AK7: variants seen among roughly 807,000 people sequenced by gnomAD.
The protein encoded by AK7 is ATP-AMP transphosphorylase 7.
A neutral mutation model predicts 96.6 loss-of-function variants in AK7; 78 were observed. The observed-to-expected ratio is 0.81, with a 90% CI of 0.67 to 0.97. AK7 has a LOEUF of 0.97. AK7 is among the 50% of genes least tolerant of loss of function. AK7 has a pLI of 0.00. For synonymous variants in AK7, 302 were observed against 317.2 expected (o/e 0.95, Z 0.51); for missense variants, 855 against 887.9 (o/e 0.96, Z 0.47).
intron 6 of AK7, 56 bp downstream of exon 6, chr14:96,437,971 G>C: frequency 6.6e-7 from 1 of 1,509,482 alleles, no homozygotes; most frequent in South Asian, 1.2e-5. Flanking sequence ...ATACAGATAC[G>C]CAATTTGAAG....
Position 96,478,573 on chromosome 14 carries a change from G to T in AK7, c.1664G>T (p.Arg555Leu). Residue 555 changes from arginine to leucine, a missense_variant, in exon 15 of 18, where the codon CGG becomes CTG. By Grantham distance (102) the Arg-to-Leu change is moderately radical. Coordinates refer to ENST00000267584, the MANE Select transcript of AK7 (RefSeq NM_152327.5). The stretch of plus-strand genomic sequence containing the variant: ...CACTACAGCCAAGACCGATTCCTCC[G>T]GGCTCTGAGCAACTACCGGGACATC... ...GTHYSQDRFL[R>L]ALSNYRDINI... 1 of 1,614,136 alleles carries T rather than the reference G, an allele frequency of 6.2e-7. No individual in the cohort carries two copies. The highest frequency in any genetic ancestry group is 1.3e-5 in the African/African-American group (1 of 75,030).
intron 1 of AK7, among the ~76,000 whole-genome samples, chr14:96,392,570 G>A (rs1407390017): frequency 6.6e-6 from 1 of 152,260 alleles, no homozygotes; most frequent in Non-Finnish European, 1.5e-5. Flanking sequence ...GTTGAGGCCA[G>A]AACCTGGACA....
At chr14:96,412,519 C>T (rs760231705) in intron 4 of AK7, among the ~76,000 whole-genome samples, 1 of 150,724 alleles carries the variant, frequency 6.6e-6, no homozygotes, top group African/African-American at 2.4e-5. Context: ...CGAGCCACTG[C>T]GCCCGGCCGT....
chr14:96,485,818 C>T (rs1301623886), intron 16 of AK7, among the ~76,000 whole-genome samples: 9 of 136,398 alleles, frequency 6.6e-5, no homozygotes, highest in Non-Finnish European at 1.2e-4. Flanking sequence ...TTTTTTGAGA[C>T]GGAGTCTTGC....
intron 5 of AK7, among the ~76,000 whole-genome samples, chr14:96,431,686 C>T (rs1489674160): frequency 1.3e-5 from 2 of 152,068 alleles, no homozygotes; most frequent in African/African-American, 4.8e-5. Context: ...ACTATGTGGT[C>T]AATTTTGGAA....
chr14:96,454,936 G>A lies in AK7; in HGVS notation c.1099-1411G>A, dbSNP rs375408509. The stretch of plus-strand genomic sequence containing the variant: ...TCCTACCACTTTGGGAGGTCGAGGC[G>A]GGTGGATCACCTGAGGTCAGGAGTT... On this transcript the variant is annotated intron_variant, in intron 10 of 17. Transcript: ENST00000267584. 3.4e-4 allele frequency among the ~76,000 whole-genome samples: 52 copies of A among 152,156 alleles called. 1 individual carries two copies. The East Asian group carries it at 5.8e-3, about 17-fold the overall frequency.
At position 96,483,189 on chromosome 14, in the gene AK7, G is replaced by A; in HGVS notation, c.1944G>A (p.Met648Ile). Residue 648 changes from methionine (M) to isoleucine (I), a missense_variant, in exon 16 of 18, where the codon ATG (methionine) becomes ATA (isoleucine). By Grantham distance (10) the Met-to-Ile change is conservative. Transcript: ENST00000267584. The part of the protein sequence containing the change: ...AEREHQEAVE[M>I]AEKIARWEEW... ...GCGAGCACCAGGAGGCCGTGGAGAT[G>A]GCAGAGAAGATAGCTCGCTGGGAGG... The A allele has an allele frequency of 6.2e-7, 1 of 1,610,700 alleles. No individual in the cohort carries two copies. Among genetic ancestry groups the A allele is most frequent in the African/African-American group, 1.3e-5 (1 of 74,998 alleles).
intron 4 of AK7, among the ~76,000 whole-genome samples, chr14:96,411,053 G>A (rs527699519): frequency 5.6e-4 from 85 of 152,208 alleles, no homozygotes; most frequent in South Asian, 4.3e-3. Context: ...ACCTTTTATA[G>A]TCCTGAGTTT....
intron 4 of AK7, among the ~76,000 whole-genome samples, chr14:96,420,400 C>A (rs1399081323): frequency 2.0e-5 from 3 of 151,838 alleles, no homozygotes; most frequent in African/African-American, 4.8e-5. Flanking sequence ...GAGGCTGAGG[C>A]AGGAGAATCA....
chr14:96,473,826 C>T (rs779781969), intron 14 of AK7, among the ~76,000 whole-genome samples: 1 of 152,192 alleles, frequency 6.6e-6, no homozygotes, highest in Non-Finnish European at 1.5e-5. Flanking sequence ...ACCGTGCCCT[C>T]ATCTCTTCCA....
chr14:96,407,638 G>C (rs1335096800), intron 3 of AK7, among the ~76,000 whole-genome samples: 2 of 142,448 alleles, frequency 1.4e-5, no homozygotes, highest in Non-Finnish European at 3.0e-5. Flanking sequence ...CTGGAGTGCA[G>C]TGGCGCAATC....
chr14:96,462,827 AG>A (rs1222011856), intron 12 of AK7, among the ~76,000 whole-genome samples: 5 of 152,150 alleles, frequency 3.3e-5, no homozygotes, highest in Non-Finnish European at 5.9e-5. Flanking sequence ...ACTGTAATCA[AG>A]GCAAAATTTC....
chr14:96,468,405 C>T (rs926024116), intron 12 of AK7, among the ~76,000 whole-genome samples: 5 of 150,402 alleles, frequency 3.3e-5, no homozygotes, highest in Non-Finnish European at 7.4e-5. Flanking sequence ...ATGCCATTCT[C>T]CTACCTCAGC....
intron 10 of AK7, 56 bp downstream of exon 10, chr14:96,451,626 T>G: frequency 7.3e-7 from 1 of 1,361,508 alleles, no homozygotes; most frequent in Admixed American, 2.8e-5. Flanking sequence ...GAATCAAACT[T>G]CTAGTGTGAT....
At chr14:96,422,422 G>GAAT (rs1464096832) in intron 5 of AK7, among the ~76,000 whole-genome samples, 8 of 152,176 alleles carry the variant, frequency 5.3e-5, no homozygotes, top group Non-Finnish European at 7.3e-5. Context: ...TCAGAAGGGA[G>GAAT]TATGCCTTAA....
chr14:96,486,916 G>T lies in AK7; in HGVS notation c.1993G>T (p.Val665Leu), dbSNP rs1354389363. 6.2e-7 allele frequency: 1 copy of T among 1,613,926 alleles called. No homozygotes were observed. The highest frequency in any genetic ancestry group is 1.1e-5 in the South Asian group (1 of 91,078). Residue 665 changes from valine to leucine, a missense_variant, in exon 17 of 18, where the codon GTG (valine) becomes TTG (leucine). Coordinates refer to ENST00000267584, the MANE Select transcript of AK7 (RefSeq NM_152327.5). ...WEEWNKRLEE[V>L]KREERELLEA... Reference sequence around the variant, plus strand: ...ATTTTAGAATAAACGACTGGAGGAAGTGAAAAGAGAAGAAAGAGAATTACT... The same window carrying T: ...ATTTTAGAATAAACGACTGGAGGAATTGAAAAGAGAAGAAAGAGAATTACT...
chr14:96,416,618 G>A (rs1036495870), intron 4 of AK7, among the ~76,000 whole-genome samples: 17 of 152,052 alleles, frequency 1.1e-4, no homozygotes, highest in Non-Finnish European at 2.1e-4. Context: ...AAAGGATCAC[G>A]GCTGTAACCC....
intron 12 of AK7, among the ~76,000 whole-genome samples, chr14:96,469,158 T>C (rs1894745109): frequency 6.6e-6 from 1 of 152,190 alleles, no homozygotes; most frequent in Non-Finnish European, 1.5e-5. Flanking sequence ...GAGGGAGGCA[T>C]TGAAGGGAAT....
intron 5 of AK7, among the ~76,000 whole-genome samples, chr14:96,432,215 T>C (rs1892391252): frequency 6.7e-6 from 1 of 149,490 alleles, no homozygotes; most frequent in South Asian, 2.1e-4. Context: ...TTTTTTTTTT[T>C]TTTTTTTGCT....
Sources: allele counts gnomAD v4.1 joint callset (sites outside exome capture counted in the v4.1 genomes callset), GRCh38; gene constraint gnomAD v4.1.1; transcripts MANE v1.5; gene names NCBI Gene and HGNC (gene_info 2026-07-23, HGNC 2026-07-21).